The following ATP7B variants were observed in gnomAD, a reference collection of about 807,000 sequenced individuals.
ATP7B encodes the protein ATPase copper transporting beta, also known as copper-transporting ATPase 2.
ATP7B carries 113 observed loss-of-function variants against 118.9 expected under a neutral mutation model. The ratio of observed to expected loss-of-function variants is 0.95; its 90% CI spans 0.82 to 1.11. The LOEUF (loss-of-function observed/expected upper bound fraction) is 1.11. Ranked by LOEUF, ATP7B falls within the 50% of genes most tolerant of loss-of-function variation. The pLI, the probability that ATP7B is intolerant of heterozygous loss-of-function variation, is 0.00. For synonymous variants in ATP7B, 777 were observed against 727.4 expected, an observed-to-expected ratio of 1.07 and a Z score of -1.10; for missense variants, 1,867 against 1,871.4, an observed-to-expected ratio of 1.00 and a Z score of 0.04.
chr13:51,960,403 C>T (rs1427333734), intron 6 of ATP7B, 81 bp from the exon 7 acceptor site: 1 of 1,518,412 alleles, frequency 6.6e-7, no homozygotes, highest in African/African-American at 1.4e-5. Flanking sequence ...TCTGAGGACA[C>T]AGTTTAAGAC....
At chr13:51,956,419 A>T (rs1217990129) in intron 9 of ATP7B, among the ~76,000 whole-genome samples, 1 of 152,226 alleles carries the variant, frequency 6.6e-6, no homozygotes, top group Non-Finnish European at 1.5e-5. Context: ...GGCAAGGCAC[A>T]ACGCCTCTGA....
intron 1 of ATP7B, among the ~76,000 whole-genome samples, chr13:51,990,493 A>AT (rs1355942571): frequency 6.6e-6 from 1 of 152,230 alleles, no homozygotes; most frequent in East Asian, 1.9e-4. Flanking sequence ...AAGAAAAAAA[A>AT]GTTGCAGAAC....
intron 1 of ATP7B, among the ~76,000 whole-genome samples, chr13:51,996,993 C>T (rs568701902): frequency 2.7e-4 from 41 of 152,198 alleles, no homozygotes; most frequent in Non-Finnish European, 3.8e-4. Flanking sequence ...GGCCTTGAGC[C>T]CCAACCCTAG....
At chr13:51,936,133 T>C (rs1461274029) in intron 19 of ATP7B, among the ~76,000 whole-genome samples, 1 of 152,196 alleles carries the variant, frequency 6.6e-6, no homozygotes, top group Non-Finnish European at 1.5e-5. Flanking sequence ...CCTCCAGGGC[T>C]TCATGACATC....
intron 9 of ATP7B, among the ~76,000 whole-genome samples, chr13:51,956,822 T>G (rs1158405254): frequency 6.6e-6 from 1 of 152,160 alleles, no homozygotes; most frequent in South Asian, 2.1e-4. Flanking sequence ...AAATATGCAT[T>G]AAGAGTCAGT....
intron 3 of ATP7B, among the ~76,000 whole-genome samples, chr13:51,969,020 C>T (rs1951712213): frequency 6.6e-6 from 1 of 151,416 alleles, no homozygotes; most frequent in South Asian, 2.1e-4. Flanking sequence ...GCCACCATGC[C>T]CAGCTAATTT....
At chr13:51,993,239 T>G (rs965642054) in intron 1 of ATP7B, among the ~76,000 whole-genome samples, 1 of 151,816 alleles carries the variant, frequency 6.6e-6, no homozygotes, top group Non-Finnish European at 1.5e-5. Flanking sequence ...GTTTTTTATA[T>G]AGAGTATATG....
chr13:52,011,598 G>T, upstream of ATP7B: 2 of 594,746 alleles, frequency 3.4e-6, no homozygotes, highest in Non-Finnish European at 3.0e-6. Flanking sequence ...GGATGAGAGC[G>T]TGAGGGGAGA....
rs754828721 is a variant in ATP7B, at chr13:51,996,379, G to A, written c.51+14908C>T. Among the ~76,000 whole-genome samples, 38 of 152,110 alleles carry A rather than the reference G, an allele frequency of 2.5e-4. 1 individual carries two copies. The highest frequency in any genetic ancestry group is 1.3e-4 in the Non-Finnish European group (9 of 68,018). ...GCAGCAGCCTGCTCTGTCGGGCAGC[G>A]CTGCCTCCATTCCCACCCCACCACT... On this transcript the variant is annotated intron_variant, in intron 1 of 20. Coordinates refer to ENST00000242839, the MANE Select transcript of ATP7B (RefSeq NM_000053.4).
chr13:51,983,989 C>G (rs1952538439), intron 1 of ATP7B, among the ~76,000 whole-genome samples: 1 of 152,030 alleles, frequency 6.6e-6, no homozygotes, highest in Non-Finnish European at 1.5e-5. Context: ...ATTCCAAAAA[C>G]CAGAATGCCT....
rs769604207 is a variant in ATP7B at position 51,935,006 on chromosome 13, C to G, written c.4148G>C (p.Arg1383Thr). The G allele has an allele frequency of 8.7e-6, 14 of 1,613,956 alleles. 1 individual carries two copies. In the South Asian group the frequency reaches 1.5e-4, roughly 18 times the overall value. ...GTGGCCATGCGCCTGTGCCTCATACCTCTCCAGGTCAGGCTTCTTATAGCT... is the reference window on the plus strand; with the variant it reads ...GTGGCCATGCGCCTGTGCCTCATACGTCTCCAGGTCAGGCTTCTTATAGCT... Reference protein sequence around the residue: ...LKCYKKPDLERYEAQAHGHMK... With the variant: ...LKCYKKPDLETYEAQAHGHMK... Residue 1383 changes from arginine to threonine, a missense_variant, in exon 21 of 21, where the codon AGG (arginine) becomes ACG (threonine). By Grantham distance (71) the Arg-to-Thr change is moderately conservative. Transcript: ENST00000242839.
chr13:52,011,484 G>A (rs1201386067), upstream of ATP7B: 6 of 949,462 alleles, frequency 6.3e-6, no homozygotes, highest in Non-Finnish European at 9.9e-6. Context: ...AAGCAAACAG[G>A]GGTCCGGGAA....
At chr13:51,941,934 G>T (rs1957356659) in intron 15 of ATP7B, among the ~76,000 whole-genome samples, 1 of 152,124 alleles carries the variant, frequency 6.6e-6, no homozygotes, top group East Asian at 1.9e-4. Context: ...AATAAAAAAG[G>T]CCATTCTTCA....
At chr13:52,004,956 T>C (rs145092243) in intron 1 of ATP7B, among the ~76,000 whole-genome samples, 1,819 of 152,318 alleles carry the variant, frequency 0.012, 24 homozygotes, top group Non-Finnish European at 0.018. Flanking sequence ...AGCCTGCACC[T>C]TCCAGAGCAG....
At chr13:51,935,083 T>A in intron 20 of ATP7B, 54 bp from the exon 21 acceptor site, 2 of 1,605,946 alleles carry the variant, frequency 1.2e-6, no homozygotes, top group Non-Finnish European at 8.5e-7. Flanking sequence ...AAGGCTTTTT[T>A]TTTTTCTAAG....
chr13:52,007,438 A>G (rs886325484), intron 1 of ATP7B, among the ~76,000 whole-genome samples: 5 of 151,928 alleles, frequency 3.3e-5, no homozygotes, highest in African/African-American at 1.2e-4. Flanking sequence ...CTGTTCTATC[A>G]CTCCCACTCC....
At chr13:51,980,535 A>G (rs906412384) in intron 1 of ATP7B, among the ~76,000 whole-genome samples, 1 of 152,264 alleles carries the variant, frequency 6.6e-6, no homozygotes, top group Non-Finnish European at 1.5e-5. Context: ...GCCAGAAAGG[A>G]AAACAAAATC....
intron 1 of ATP7B, chr13:51,995,422 C>T (rs1037064802): frequency 3.6e-6 from 3 of 832,450 alleles, no homozygotes; most frequent in African/African-American, 1.8e-5. Context: ...TGGCTGAATG[C>T]CTAACCCCAG....
upstream of ATP7B, chr13:52,011,925 T>G (rs28362533): frequency 7.3e-5 from 20 of 274,584 alleles, 1 homozygote; most frequent in East Asian, 2.0e-3. Flanking sequence ...CCGCGTCGGG[T>G]CCGCTCTGCG....
Sources: allele counts gnomAD v4.1 joint callset (sites outside exome capture counted in the v4.1 genomes callset), GRCh38; gene constraint gnomAD v4.1.1; transcripts MANE v1.5; gene names NCBI Gene and HGNC (gene_info 2026-07-23, HGNC 2026-07-21).